Variants in BABAM2 observed in about 807,000 individuals in gnomAD.
BABAM2 encodes the protein BRISC and BRCA1 A complex member 2.
In BABAM2, 31 loss-of-function variants were observed where a neutral mutation model predicts 54.7. That is an observed-to-expected ratio of 0.57 (90% CI 0.43 to 0.77). BABAM2 has a LOEUF of 0.77. BABAM2 is among the 30% of genes least tolerant of loss of function. BABAM2 has a pLI of 0.00. For synonymous variants in BABAM2, 167 were observed against 162.9 expected (o/e 1.03, Z -0.19); for missense variants, 364 against 455.8 (o/e 0.80, Z 1.83).
chr2:27,962,406 T>A (rs901282567), intron 3 of BABAM2, among the ~76,000 whole-genome samples: 1 of 152,214 alleles, frequency 6.6e-6, no homozygotes, highest in Non-Finnish European at 1.5e-5. Flanking sequence ...TGGTGGTTTT[T>A]CTTTAATGTG....
rs1445516746 is a variant in BABAM2 at position 28,314,766 on chromosome 2, AAAG to A, written c.1088+16280_1088+16282del. 3.3e-5 allele frequency among the ~76,000 whole-genome samples: 5 copies of A among 151,908 alleles called. 1 individual carries two copies. The South Asian group carries it at 8.4e-4, about 25-fold the overall frequency. On this transcript the variant is annotated intron_variant, in intron 11 of 11. Transcript: ENST00000379624. ...AGGGAAAGAGCACTAGGAGTCGAGG[AAAG>A]AAGATTATGTCTGTTTACTGGGACC... is the stretch of plus-strand genomic sequence containing the variant.
intron 3 of BABAM2, among the ~76,000 whole-genome samples, chr2:27,984,400 A>G (rs193280897): frequency 3.3e-5 from 5 of 152,268 alleles, no homozygotes; most frequent in Admixed American, 2.6e-4. Context: ...TGTGCTTTTT[A>G]GCCAAGGCTT....
At chr2:28,061,708 A>G (rs982937111) in intron 6 of BABAM2, among the ~76,000 whole-genome samples, 1 of 152,052 alleles carries the variant, frequency 6.6e-6, no homozygotes, top group African/African-American at 2.4e-5. Context: ...AAAATGGATT[A>G]TAGACCTAAA....
intron 7 of BABAM2, among the ~76,000 whole-genome samples, chr2:28,179,806 T>G (rs192659966): frequency 1.5e-4 from 23 of 152,164 alleles, no homozygotes; most frequent in Non-Finnish European, 4.4e-5. Flanking sequence ...ACATACAAAA[T>G]AAATAGTGTT....
chr2:28,217,892 C>A (rs1017346130), intron 7 of BABAM2, among the ~76,000 whole-genome samples: 1 of 152,198 alleles, frequency 6.6e-6, no homozygotes. Flanking sequence ...CTCATATTTT[C>A]TTTCTTAAAA....
chr2:28,235,391 G>A (rs1681810540), intron 7 of BABAM2, among the ~76,000 whole-genome samples: 1 of 151,872 alleles, frequency 6.6e-6, no homozygotes. Flanking sequence ...TGGCCAGAAT[G>A]GTCTCGATCT....
intron 1 of BABAM2, among the ~76,000 whole-genome samples, chr2:27,891,769 T>G (rs1467986084): frequency 6.9e-6 from 1 of 145,336 alleles, no homozygotes; most frequent in Non-Finnish European, 1.5e-5. Flanking sequence ...GCGTGAAACC[T>G]TGCACTGTTA....
chr2:28,113,958 T>A lies in BABAM2; in HGVS notation c.571-15313T>A, dbSNP rs189423781. Among the ~76,000 whole-genome samples the A allele has an allele frequency of 3.5e-3, 533 of 152,276 alleles. 1 individual carries two copies. The highest frequency in any genetic ancestry group is 4.7e-3 in the Non-Finnish European group (320 of 68,010). On this transcript the variant is annotated intron_variant, in intron 6 of 11. Coordinates refer to ENST00000379624, the MANE Select transcript of BABAM2 (RefSeq NM_199191.3). ...ATTTGGCTCCCTGTTTGCTTATGAT[T>A]GGTGTGTATAGGAATGCTTGTGATT...
chr2:28,160,889 T>C (rs1306241176), intron 7 of BABAM2, among the ~76,000 whole-genome samples: 2 of 152,106 alleles, frequency 1.3e-5, no homozygotes, highest in African/African-American at 4.8e-5. Context: ...GTATAAGAGT[T>C]GTCAGAAAGT....
Position 28,239,365 on chromosome 2 carries a change from A to G in BABAM2, c.781-1958A>G, listed in dbSNP as rs1682202812. Among the ~76,000 whole-genome samples, 3 of 152,238 alleles carry G rather than the reference A, an allele frequency of 2.0e-5. No individual in the cohort carries two copies. The South Asian group carries it at 6.2e-4, about 32-fold the overall frequency. Reference sequence around the variant, plus strand: ...TGGAAACTCAGTGTGGCTATAGCCAATATAAACAATTTTGGGGGTCTCTCC... The same window carrying G: ...TGGAAACTCAGTGTGGCTATAGCCAGTATAAACAATTTTGGGGGTCTCTCC... On this transcript the variant is annotated intron_variant, in intron 8 of 11. Transcript: ENST00000379624.
chr2:27,910,301 T>C (rs1666488643), intron 2 of BABAM2, among the ~76,000 whole-genome samples: 1 of 151,612 alleles, frequency 6.6e-6, no homozygotes, highest in Admixed American at 6.6e-5. Context: ...AGTTGTCTCC[T>C]AGGTTGAAAA....
intron 10 of BABAM2, among the ~76,000 whole-genome samples, chr2:28,295,785 C>G (rs1413645268): frequency 6.6e-6 from 1 of 151,956 alleles, no homozygotes; most frequent in Non-Finnish European, 1.5e-5. Context: ...GAGTGAGCCA[C>G]CGCGCCCAGC....
intron 11 of BABAM2, chr2:28,310,034 C>T: frequency 1.9e-6 from 3 of 1,571,538 alleles, no homozygotes; most frequent in Non-Finnish European, 2.6e-6. Context: ...GATCCTTGAA[C>T]CCTTTTGAAA....
chr2:28,221,613 A>C (rs868607490), intron 7 of BABAM2, among the ~76,000 whole-genome samples: 2 of 152,166 alleles, frequency 1.3e-5, no homozygotes, highest in East Asian at 3.8e-4. Flanking sequence ...GAAGGCTGCT[A>C]TCTTCCTGGT....
At chr2:28,295,416 C>A (rs761813115) in intron 10 of BABAM2, among the ~76,000 whole-genome samples, 1 of 152,008 alleles carries the variant, frequency 6.6e-6, no homozygotes, top group Non-Finnish European at 1.5e-5. Flanking sequence ...GTAATGATTG[C>A]TTTGGAGGTT....
At chr2:28,095,705 C>A (rs1324307218) in intron 6 of BABAM2, among the ~76,000 whole-genome samples, 1 of 152,066 alleles carries the variant, frequency 6.6e-6, no homozygotes, top group Non-Finnish European at 1.5e-5. Flanking sequence ...CTCAGCTGTC[C>A]AAAAATCTCA....
intron 7 of BABAM2, among the ~76,000 whole-genome samples, chr2:28,172,315 C>T (rs140459873): frequency 6.6e-6 from 1 of 152,244 alleles, no homozygotes; most frequent in Non-Finnish European, 1.5e-5. Flanking sequence ...ACAACAAGGA[C>T]AGGTTCTTAG....
chr2:28,090,042 C>T (rs1666027422), intron 6 of BABAM2, among the ~76,000 whole-genome samples: 1 of 152,212 alleles, frequency 6.6e-6, no homozygotes, highest in South Asian at 2.1e-4. Flanking sequence ...AGATATAATA[C>T]ATTAGTCAGA....
At chr2:28,256,369 C>A (rs534927642) in intron 10 of BABAM2, among the ~76,000 whole-genome samples, 42 of 152,176 alleles carry the variant, frequency 2.8e-4, no homozygotes, top group Non-Finnish European at 1.5e-4. Flanking sequence ...AGATTGTTGC[C>A]TATATTCATA....
Sources: allele counts gnomAD v4.1 joint callset (sites outside exome capture counted in the v4.1 genomes callset), GRCh38; gene constraint gnomAD v4.1.1; transcripts MANE v1.5; gene names NCBI Gene and HGNC (gene_info 2026-07-23, HGNC 2026-07-21).